Variants in PCDHA7 observed in about 807,000 individuals in gnomAD.
PCDHA7 encodes protocadherin alpha-7.
In PCDHA7, 37 loss-of-function variants were observed where a neutral mutation model predicts 57.2. The ratio of observed to expected loss-of-function variants is 0.65; its 90% CI spans 0.50 to 0.85. PCDHA7 has a LOEUF of 0.85. Ranked by LOEUF, PCDHA7 falls within the 40% of genes least tolerant of loss-of-function variation. The pLI, the probability that PCDHA7 is intolerant of heterozygous loss-of-function variation, is 0.00. For synonymous variants in PCDHA7, 553 were observed against 558.8 expected, an observed-to-expected ratio of 0.99 and a Z score of 0.15; for missense variants, 1,188 against 1,241.8, an observed-to-expected ratio of 0.96 and a Z score of 0.65.
chr5:140,933,762 T>C (rs2089409260), intron 1 of PCDHA7, among the ~76,000 whole-genome samples: 1 of 152,128 alleles, frequency 6.6e-6, no homozygotes, highest in African/African-American at 2.4e-5. Flanking sequence ...AGTGAAGCTC[T>C]CTGTACCTAC....
chr5:140,929,430 A>G, intron 1 of PCDHA7: 1 of 1,490,684 alleles, frequency 6.7e-7, no homozygotes, highest in Non-Finnish European at 9.0e-7. Flanking sequence ...CATCAATTGA[A>G]CTAAACACTC....
At chr5:140,963,659 A>G (rs1474288889) in intron 1 of PCDHA7, among the ~76,000 whole-genome samples, 3 of 152,222 alleles carry the variant, frequency 2.0e-5, no homozygotes. Context: ...TTGATTTCCT[A>G]TATGGCATAG....
At chr5:140,870,392 G>T in intron 1 of PCDHA7, 1 of 1,614,254 alleles carries the variant, frequency 6.2e-7, no homozygotes, top group Non-Finnish European at 8.5e-7. Context: ...CGGGATGGGG[G>T]TTCGCCTTCT....
chr5:140,851,268 G>T lies in PCDHA7; in HGVS notation c.2355+14530G>T, dbSNP rs2042007881. ...TGATGCATAGTATTTTAGTCTACTT[G>T]TATTGTTTATAAGAAACCCAAGCAA... On this transcript the variant is annotated intron_variant, in intron 1 of 3. Transcript: ENST00000525929. 2.8e-6 allele frequency: 3 copies of T among 1,069,204 alleles called. No homozygotes were observed. In the East Asian group the frequency reaches 1.3e-4, roughly 48 times the overall value. 66.2% of individuals were successfully genotyped at this position (1,069,204 alleles called of 1,614,324 possible).
rs782443419 is a variant in PCDHA7, at chr5:140,882,688, A to T, written c.2355+45950A>T. On this transcript the variant is annotated intron_variant, in intron 1 of 3. Coordinates refer to ENST00000525929, the MANE Select transcript of PCDHA7 (RefSeq NM_018910.3). ...TATTCCCTGAAAGCAAGAAACGAATAATCATTGCAGAATCTAGACCTCCGG... is the reference window on the plus strand; with the variant it reads ...TATTCCCTGAAAGCAAGAAACGAATTATCATTGCAGAATCTAGACCTCCGG... The T allele has an allele frequency of 1.2e-5, 20 of 1,614,078 alleles. 1 individual carries two copies. In the South Asian group the frequency reaches 2.2e-4, roughly 18 times the overall value.
chr5:140,966,850 CCTGCTGCTGTTG>C (rs1409933796), intron 1 of PCDHA7: 1 of 1,572,784 alleles, frequency 6.4e-7, no homozygotes, highest in Non-Finnish European at 8.6e-7. Context: ...TACTGCCTCT[CCTGCTGCTGTTG>C]CTGCTGCTGC....
intron 1 of PCDHA7, chr5:140,869,512 G>A (rs782635875): frequency 1.9e-6 from 3 of 1,614,072 alleles, no homozygotes; most frequent in Admixed American, 3.3e-5. Flanking sequence ...CTCGCTCAGA[G>A]AACAAAAGCT....
chr5:140,930,197 C>G (rs1417032734), intron 1 of PCDHA7: 1 of 152,080 alleles, frequency 6.6e-6, no homozygotes, highest in African/African-American at 2.4e-5. Flanking sequence ...ATTTTTATGT[C>G]AGAAATATTT....
intron 1 of PCDHA7, chr5:140,969,215 C>G (rs782320507): frequency 6.2e-7 from 1 of 1,614,128 alleles, no homozygotes; most frequent in South Asian, 1.1e-5. Flanking sequence ...CCAGACAGGA[C>G]CAGGGCCTTC....
At chr5:140,846,374 T>TTC (rs1554141279) in intron 1 of PCDHA7, among the ~76,000 whole-genome samples, 10 of 30,854 alleles carry the variant, frequency 3.2e-4, no homozygotes, top group African/African-American at 1.1e-3. Context: ...TCTTTCTTTC[T>TTC]TTTTTTTTTT....
In PCDHA7 at chr5:140,917,330, A is replaced by T. The variant is rs155802; in HGVS notation, c.2356-61619A>T. On this transcript the variant is annotated intron_variant, in intron 1 of 3. Coordinates refer to ENST00000525929, the MANE Select transcript of PCDHA7 (RefSeq NM_018910.3). The stretch of plus-strand genomic sequence containing the variant: ...CAATTTGGTGTTCATGTGGCGGGGG[A>T]GGGGGGGGATGGTGTAGGCTTCTGT... Among the ~76,000 whole-genome samples, 56 of 103,230 alleles carry T rather than the reference A, an allele frequency of 5.4e-4. 2 individuals are homozygous for T. In the South Asian group the frequency reaches 0.01, roughly 19 times the overall value. The allele number at this position is 103,230 out of a possible 152,430, so 67.7% of individuals were successfully genotyped here.
chr5:140,941,597 G>T (rs2093124922), intron 1 of PCDHA7, among the ~76,000 whole-genome samples: 1 of 152,032 alleles, frequency 6.6e-6, no homozygotes, highest in Middle Eastern at 3.4e-3. Context: ...TTACAGCCAT[G>T]AGCCATGGTG....
rs2150530845 is a variant in PCDHA7, at chr5:140,853,328, T to C, written c.2355+16590T>C. 4.5e-5 allele frequency: 44 copies of C among 984,766 alleles called. 1 individual carries two copies. The highest frequency in any genetic ancestry group is 5.0e-5 in the Non-Finnish European group (41 of 817,224). The allele number at this position is 984,766 out of a possible 1,614,324, so 61.0% of individuals were successfully genotyped here. On this transcript the variant is annotated intron_variant, in intron 1 of 3. Coordinates refer to ENST00000525929, the MANE Select transcript of PCDHA7 (RefSeq NM_018910.3). ...AACACCTTAGTAATAAATTTATCTT[T>C]TGAGGTCATTAGCAAACATGAACTC...
At chr5:140,990,507 T>C (rs1554251511) in intron 3 of PCDHA7, among the ~76,000 whole-genome samples, 1 of 152,158 alleles carries the variant, frequency 6.6e-6, no homozygotes, top group East Asian at 1.9e-4. Context: ...CCCCAAGTCT[T>C]CTCTCTTGTC....
chr5:140,861,473 T>C (rs2046940252), intron 1 of PCDHA7: 2 of 491,456 alleles, frequency 4.1e-6, no homozygotes. Context: ...ATCTGCAGAA[T>C]GGCATTTTTG....
rs782239316 is a variant in PCDHA7 at position 140,877,376 on chromosome 5, G to T, written c.2355+40638G>T. 6.2e-6 allele frequency: 10 copies of T among 1,613,896 alleles called. No individual in the cohort carries two copies. The South Asian group carries it at 6.6e-5, about 11-fold the overall frequency. On this transcript the variant is annotated intron_variant, in intron 1 of 3. Transcript: ENST00000525929. The stretch of plus-strand genomic sequence containing the variant: ...TACACTGGCGAGATCAGCACGACAC[G>T]CATCCTGGATGAGGCGGACGCTCCG...
rs2150277995 is a variant in PCDHA7, at chr5:140,837,636, T to C, written c.2355+898T>C. On this transcript the variant is annotated intron_variant, in intron 1 of 3. Coordinates refer to ENST00000525929, the MANE Select transcript of PCDHA7 (RefSeq NM_018910.3). ...TTGCCCCTTCCTTCCTTCCTTCCTTTCTTTCTTTCTTTCTTCCTTTTTCTT... is the reference window on the plus strand; with the variant it reads ...TTGCCCCTTCCTTCCTTCCTTCCTTCCTTTCTTTCTTTCTTCCTTTTTCTT... Among the ~76,000 whole-genome samples the C allele has an allele frequency of 1.4e-3, 182 of 134,336 alleles. 3 individuals are homozygous for C. Among genetic ancestry groups the C allele is most frequent in the African/African-American group, 3.6e-3 (92 of 25,542 alleles). The allele number at this position is 134,336 out of a possible 152,430, so 88.1% of individuals were successfully genotyped here.
At chr5:140,985,067 A>C (rs2153836144) in intron 3 of PCDHA7, among the ~76,000 whole-genome samples, 1 of 152,116 alleles carries the variant, frequency 6.6e-6, no homozygotes, top group East Asian at 1.9e-4. Flanking sequence ...CCTCCTGAGT[A>C]GCTGAGACTA....
At chr5:140,866,702 C>T (rs251370) in intron 1 of PCDHA7, 67,860 of 151,870 alleles carry the variant, frequency 0.45, 15,551 homozygotes, top group South Asian at 0.58. Flanking sequence ...CAGTGGATGA[C>T]GTGCACTAGT....
Sources: gnomAD v4.1 joint callset for allele counts (sites outside exome capture counted in the v4.1 genomes callset) on GRCh38, gnomAD v4.1.1 for gene constraint, MANE v1.5 for transcripts, NCBI Gene and HGNC (gene_info 2026-07-23, HGNC 2026-07-21) for gene names.